The following STX8 variants were observed in gnomAD, a reference collection of about 807,000 sequenced individuals.
The protein encoded by STX8 is syntaxin 8.
STX8 carries 23 observed loss-of-function variants against 37.5 expected under a neutral mutation model. The ratio of observed to expected loss-of-function variants is 0.61; its 90% CI spans 0.44 to 0.87. STX8 has a LOEUF of 0.87. STX8 is among the 40% of genes least tolerant of loss of function. STX8 has a pLI of 0.00. For missense variants in STX8, 313 were observed against 284.7 expected (o/e 1.10, Z -0.71); for synonymous variants, 115 against 99.1 (o/e 1.16, Z -0.95).
intron 6 of STX8, among the ~76,000 whole-genome samples, chr17:9,459,173 G>A (rs1013805548): frequency 6.6e-6 from 1 of 152,132 alleles, no homozygotes; most frequent in African/African-American, 2.4e-5. Flanking sequence ...GGCAGAGAGA[G>A]CCATTAACAA....
chr17:9,461,339 G>T (rs985681604), intron 6 of STX8: 1 of 152,052 alleles, frequency 6.6e-6, no homozygotes, highest in African/African-American at 2.4e-5. Context: ...AAGGTGAGAG[G>T]GTGGGCAACA....
chr17:9,445,524 T>TGGGGGAGGGGGGTGGGGGGGG (rs1904813897), intron 6 of STX8, among the ~76,000 whole-genome samples: 9 of 25,640 alleles, frequency 3.5e-4, no homozygotes, highest in South Asian at 2.1e-3. Context: ...GGTTGGGGGG[T>TGGGGGAGGGGGGTGGGGGGGG]GGGGGTGAGG....
At chr17:9,364,550 GAC>G (rs1001231751) in intron 7 of STX8, among the ~76,000 whole-genome samples, 6 of 151,744 alleles carry the variant, frequency 4.0e-5, no homozygotes, top group Admixed American at 1.3e-4. Flanking sequence ...TTTTTTTTGA[GAC>G]AGTTTTTTGC....
chr17:9,289,927 T>C (rs528894475), intron 7 of STX8, among the ~76,000 whole-genome samples: 19 of 152,276 alleles, frequency 1.2e-4, no homozygotes, highest in African/African-American at 4.6e-4. Flanking sequence ...ATGAAAACAA[T>C]GAGTGATAAC....
At chr17:9,342,073 T>A (rs1362762823) in intron 7 of STX8, among the ~76,000 whole-genome samples, 2 of 152,134 alleles carry the variant, frequency 1.3e-5, no homozygotes, top group African/African-American at 2.4e-5. Flanking sequence ...GAGATGGTTT[T>A]CGGGATGAAA....
At chr17:9,323,893 G>T (rs145374686) in intron 7 of STX8, among the ~76,000 whole-genome samples, 4 of 152,138 alleles carry the variant, frequency 2.6e-5, no homozygotes, top group Non-Finnish European at 4.4e-5. Context: ...GGGAATGCAC[G>T]CAGGTGCTGG....
At chr17:9,354,286 T>G (rs1910803511) in intron 7 of STX8, among the ~76,000 whole-genome samples, 1 of 152,126 alleles carries the variant, frequency 6.6e-6, no homozygotes, top group East Asian at 1.9e-4. Flanking sequence ...TCTGTATTAC[T>G]TTTTGTTTTC....
At chr17:9,317,447 A>G (rs1909418274) in intron 7 of STX8, among the ~76,000 whole-genome samples, 3 of 152,300 alleles carry the variant, frequency 2.0e-5, no homozygotes, top group East Asian at 1.9e-4. Flanking sequence ...CGCCAGGCAA[A>G]TAAGTGTCTT....
At chr17:9,387,539 C>T (rs112214627) in intron 6 of STX8, among the ~76,000 whole-genome samples, 6,255 of 152,258 alleles carry the variant, frequency 0.041, 424 homozygotes, top group African/African-American at 0.14. Flanking sequence ...ATGATCCGCC[C>T]GCCTTGGCCT....
rs1051588898 is a variant in STX8, at chr17:9,324,109, G to GTC, written c.643+54441_643+54442dup. Among the ~76,000 whole-genome samples, 534 of 135,622 alleles carry GTC rather than the reference G, an allele frequency of 3.9e-3. 3 individuals are homozygous for GTC. The highest frequency in any genetic ancestry group is 0.011 in the South Asian group (45 of 3,944). 89.0% of individuals were successfully genotyped at this position (135,622 alleles called of 152,430 possible). Reference sequence around the variant, plus strand: ...TCCCTCTCTCTCTCTCTCTCTCTCTGTCTCTCTCTCTCTCTCTCACACACA... The same window carrying GTC: ...TCCCTCTCTCTCTCTCTCTCTCTCTGTCTCTCTCTCTCTCTCTCTCACACACA... On this transcript the variant is annotated intron_variant, in intron 7 of 7. Transcript: ENST00000306357.
rs191876555 is a variant in STX8 at position 9,430,027 on chromosome 17, A to T, written c.542-51374T>A. On this transcript the variant is annotated intron_variant, in intron 6 of 7. Coordinates refer to ENST00000306357, the MANE Select transcript of STX8 (RefSeq NM_004853.3). ...ATATTATATATTATATATTATATAT[A>T]ATATATTCTATAGAATATATATATT... is the stretch of plus-strand genomic sequence containing the variant. Among the ~76,000 whole-genome samples the T allele has an allele frequency of 1.4e-3, 21 of 15,034 alleles. 3 individuals are homozygous for T. Among genetic ancestry groups the T allele is most frequent in the East Asian group, 4.9e-3 (7 of 1,422 alleles). 9.9% of individuals were successfully genotyped at this position (15,034 alleles called of 152,430 possible).
chr17:9,440,804 C>T (rs559644396), intron 6 of STX8, among the ~76,000 whole-genome samples: 32 of 152,198 alleles, frequency 2.1e-4, no homozygotes, highest in African/African-American at 7.5e-4. Flanking sequence ...GGATTACAGG[C>T]GTGAGCCACC....
intron 4 of STX8, among the ~76,000 whole-genome samples, chr17:9,514,414 G>T (rs755290747): frequency 6.6e-6 from 1 of 152,046 alleles, no homozygotes. Context: ...AGACCAGCCC[G>T]GCCAACATGG....
intron 7 of STX8, among the ~76,000 whole-genome samples, chr17:9,307,289 T>C (rs940668324): frequency 2.0e-5 from 3 of 152,180 alleles, no homozygotes; most frequent in Non-Finnish European, 4.4e-5. Flanking sequence ...ATTCCATCAC[T>C]AGGCTGACGA....
intron 7 of STX8, among the ~76,000 whole-genome samples, chr17:9,261,540 G>A (rs1296403003): frequency 1.3e-5 from 2 of 152,154 alleles, no homozygotes; most frequent in East Asian, 3.9e-4. Flanking sequence ...CCGTTCCTTA[G>A]AGGGAGTGTG....
chr17:9,316,238 A>G (rs1200948678), intron 7 of STX8, among the ~76,000 whole-genome samples: 1 of 152,088 alleles, frequency 6.6e-6, no homozygotes, highest in Non-Finnish European at 1.5e-5. Flanking sequence ...GGCCTTGTTT[A>G]ATTTCCTGGC....
chr17:9,324,330 A>C (rs1258920904), intron 7 of STX8, among the ~76,000 whole-genome samples: 1 of 152,108 alleles, frequency 6.6e-6, no homozygotes, highest in Non-Finnish European at 1.5e-5. Flanking sequence ...AAATTGAGTG[A>C]GTGGTCTTTT....
intron 5 of STX8, among the ~76,000 whole-genome samples, chr17:9,501,020 A>G (rs1271924783): frequency 6.6e-6 from 1 of 152,118 alleles, no homozygotes; most frequent in Non-Finnish European, 1.5e-5. Context: ...AAAATAAAAT[A>G]AAAGATATGA....
intron 6 of STX8, among the ~76,000 whole-genome samples, chr17:9,468,952 TC>T (rs1251738471): frequency 3.3e-5 from 5 of 152,090 alleles, no homozygotes; most frequent in African/African-American, 1.2e-4. Context: ...CAAAAGCCCC[TC>T]CGAGGCTGCT....
Sources: allele counts gnomAD v4.1 joint callset (sites outside exome capture counted in the v4.1 genomes callset), GRCh38; gene constraint gnomAD v4.1.1; transcripts MANE v1.5; gene names NCBI Gene and HGNC (gene_info 2026-07-23, HGNC 2026-07-21).